FHIT: variants seen among roughly 807,000 people sequenced by gnomAD.
The protein encoded by FHIT is bis(5'-adenosyl)-triphosphatase.
A neutral mutation model predicts 17.9 loss-of-function variants in FHIT; 19 were observed. The ratio of observed to expected loss-of-function variants is 1.06; its 90% CI spans 0.74 to 1.56. FHIT has a LOEUF of 1.56. Among genes scored for constraint, FHIT ranks in the 40% most tolerant of loss-of-function variants. FHIT has a pLI of 0.00. For missense variants in FHIT, 248 were observed against 189.2 expected (o/e 1.31, Z -1.82); for synonymous variants, 81 against 69.7 (o/e 1.16, Z -0.81).
At chr3:60,253,777 A>C (rs1369683810) in intron 5 of FHIT, among the ~76,000 whole-genome samples, 3 of 152,198 alleles carry the variant, frequency 2.0e-5, no homozygotes, top group African/African-American at 7.2e-5. Context: ...AAGGAGCAGC[A>C]CTGGAAAAAC....
At chr3:60,241,578 A>G (rs908377487) in intron 5 of FHIT, among the ~76,000 whole-genome samples, 3 of 152,100 alleles carry the variant, frequency 2.0e-5, no homozygotes, top group African/African-American at 7.2e-5. Flanking sequence ...GAAAGAGAAA[A>G]GCAACAGATT....
chr3:59,986,757 TA>T (rs372334036), intron 7 of FHIT, among the ~76,000 whole-genome samples: 1 of 36,044 alleles, frequency 2.8e-5, no homozygotes, highest in Non-Finnish European at 5.5e-5. Flanking sequence ...TATATATATA[TA>T]AATATATTTA....
At chr3:61,024,593 G>T (rs921349350) in intron 3 of FHIT, among the ~76,000 whole-genome samples, 3 of 152,080 alleles carry the variant, frequency 2.0e-5, no homozygotes, top group African/African-American at 7.2e-5. Flanking sequence ...GGCAAAGAAA[G>T]AAAAACATTG....
intron 8 of FHIT, among the ~76,000 whole-genome samples, chr3:59,877,929 C>A (rs1302185291): frequency 6.6e-6 from 1 of 152,112 alleles, no homozygotes; most frequent in Non-Finnish European, 1.5e-5. Flanking sequence ...CAGACCTGGA[C>A]AAAATGTTAA....
intron 5 of FHIT, among the ~76,000 whole-genome samples, chr3:60,535,339 CCTTT>C (rs1472084121): frequency 6.6e-5 from 10 of 152,064 alleles, no homozygotes; most frequent in Non-Finnish European, 7.4e-5. Context: ...ATCCCAGGTC[CCTTT>C]ATTTCTTTTC....
At chr3:61,131,189 C>A (rs1352357650) in intron 2 of FHIT, among the ~76,000 whole-genome samples, 1 of 150,654 alleles carries the variant, frequency 6.6e-6, no homozygotes, top group African/African-American at 2.4e-5. Context: ...ATATCATATT[C>A]CCCTTTGTTC....
chr3:60,000,316 T>A (rs1272060190), intron 7 of FHIT, among the ~76,000 whole-genome samples: 1 of 152,348 alleles, frequency 6.6e-6, no homozygotes, highest in African/African-American at 2.4e-5. Flanking sequence ...CAGGCCAAAT[T>A]TGGCCCACCA....
At chr3:60,763,268 G>T (rs191703045) in intron 4 of FHIT, among the ~76,000 whole-genome samples, 1 of 152,092 alleles carries the variant, frequency 6.6e-6, no homozygotes, top group East Asian at 1.9e-4. Context: ...GTCAATTCAC[G>T]ACTGTAAGTC....
At chr3:60,674,768 C>T (rs1326753601) in intron 4 of FHIT, among the ~76,000 whole-genome samples, 1 of 152,176 alleles carries the variant, frequency 6.6e-6, no homozygotes, top group Non-Finnish European at 1.5e-5. Context: ...CCACTAGTGT[C>T]TTTGTTCGGC....
chr3:60,534,312 A>G (rs550860405), intron 5 of FHIT, among the ~76,000 whole-genome samples: 4 of 149,990 alleles, frequency 2.7e-5, no homozygotes, highest in Admixed American at 6.6e-5. Context: ...GGGCGCCTGT[A>G]GTCCCAGCTA....
At chr3:61,239,425 C>A (rs2040313000) in intron 1 of FHIT, among the ~76,000 whole-genome samples, 1 of 152,038 alleles carries the variant, frequency 6.6e-6, no homozygotes, top group Admixed American at 6.6e-5. Flanking sequence ...GCCTGGGACC[C>A]CATTCTATTA....
chr3:59,978,323 C>A (rs963890786), intron 7 of FHIT, among the ~76,000 whole-genome samples: 2 of 151,994 alleles, frequency 1.3e-5, no homozygotes, highest in African/African-American at 4.8e-5. Context: ...ACCTTACATG[C>A]CAATTACAAC....
intron 8 of FHIT, among the ~76,000 whole-genome samples, chr3:59,758,893 TGCTTGTGGGTGGCAGTTTCTA>T (rs1485308441): frequency 6.6e-6 from 1 of 152,036 alleles, no homozygotes; most frequent in African/African-American, 2.4e-5. Flanking sequence ...TGGCCTTTAA[TGCTTGTGGGTGGCAGTTTCTA>T]CTGGGCTGAG....
intron 4 of FHIT, among the ~76,000 whole-genome samples, chr3:60,821,066 C>G (rs1356123232): frequency 6.6e-6 from 1 of 151,990 alleles, no homozygotes; most frequent in Non-Finnish European, 1.5e-5. Flanking sequence ...ACCTCCACCT[C>G]CCAGGTTCAA....
chr3:60,461,076 A>AGATACTCTT (rs1553778023), intron 5 of FHIT, among the ~76,000 whole-genome samples: 4 of 151,932 alleles, frequency 2.6e-5, no homozygotes, highest in African/African-American at 9.7e-5. Context: ...AACGGCAAAA[A>AGATACTCTT]AATACTCTTC....
chr3:59,868,421 T>C (rs1402728308), intron 8 of FHIT, among the ~76,000 whole-genome samples: 1 of 152,228 alleles, frequency 6.6e-6, no homozygotes, highest in African/African-American at 2.4e-5. Context: ...TATTGCTACT[T>C]ATCAATGGAC....
At chr3:60,770,850 T>A (rs184041001) in intron 4 of FHIT, among the ~76,000 whole-genome samples, 1 of 152,350 alleles carries the variant, frequency 6.6e-6, no homozygotes, top group East Asian at 1.9e-4. Context: ...ATGCCCCATA[T>A]CCTTTAATAA....
At chr3:59,985,127 C>T (rs548707127) in intron 7 of FHIT, among the ~76,000 whole-genome samples, 29 of 152,252 alleles carry the variant, frequency 1.9e-4, no homozygotes, top group Admixed American at 4.6e-4. Context: ...GTTGCCTGCT[C>T]TAACTCTTGA....
intron 4 of FHIT, among the ~76,000 whole-genome samples, chr3:60,609,022 G>GAAAA (rs35545161): frequency 4.9e-5 from 7 of 141,666 alleles, no homozygotes; most frequent in African/African-American, 1.8e-4. Context: ...GCACAATTTG[G>GAAAA]AAAAAAAAAA....
Sources: allele counts gnomAD v4.1 joint callset (sites outside exome capture counted in the v4.1 genomes callset), GRCh38; gene constraint gnomAD v4.1.1; transcripts MANE v1.5; gene names NCBI Gene and HGNC (gene_info 2026-07-23, HGNC 2026-07-21).